KAT5: variants seen among roughly 807,000 people sequenced by gnomAD.
KAT5 encodes the protein lysine acetyltransferase 5, also known as histone acetyltransferase KAT5.
Under a neutral mutation model 68.1 loss-of-function variants are expected in KAT5, and 31 were observed. That is an observed-to-expected ratio of 0.46 (90% CI 0.34 to 0.61). The LOEUF (loss-of-function observed/expected upper bound fraction) is 0.61, where lower values mean the gene tolerates loss of function less well. KAT5 is among the 20% of genes least tolerant of loss of function. The pLI is 0.01. For missense variants in KAT5, 451 were observed against 725.5 expected, an observed-to-expected ratio of 0.62 and a Z score of 4.35; for synonymous variants, 365 against 292.6, an observed-to-expected ratio of 1.25 and a Z score of -2.52.
Position 65,713,062 on chromosome 11 carries a change from A to C in KAT5, c.384+4A>C, listed in dbSNP as rs781349676. 1 of 1,612,574 alleles carries C rather than the reference A, an allele frequency of 6.2e-7. No individual in the cohort carries two copies. The highest frequency in any genetic ancestry group is 1.1e-5 in the South Asian group (1 of 91,012). On this transcript the variant is annotated splice_donor_region_variant and intron_variant, in intron 3 of 12. Transcript: ENST00000341318. ...TGGCTCTCCAGAGAGAGAGGTGGTG[A>C]GTAGGTCCCCCACTTCACCTTTTCT...
chr11:65,713,446 C>T lies in KAT5; in HGVS notation c.483C>T (p.Gly161=), dbSNP rs1356909094. The T allele has an allele frequency of 3.1e-6, 5 of 1,614,140 alleles. No homozygotes were observed. The highest frequency in any genetic ancestry group is 1.7e-5 in the Admixed American group (1 of 60,018). The change falls in exon 4 of 13, where the codon GGC becomes GGT. Residue 161 remains glycine, a synonymous_variant. Coordinates refer to ENST00000341318, the MANE Select transcript of KAT5 (RefSeq NM_182710.3). ...LPKEREAIPG[G]EPDQPLSSSS... ...AGGAGCGGGAGGCCATTCCCGGTGG[C>T]GAGCCTGACCAGCCGCTCTCCTCCA...
intron 3 of KAT5, 116 bp downstream of exon 3, chr11:65,713,174 G>A (rs2135623098): frequency 1.4e-6 from 2 of 1,425,732 alleles, no homozygotes; most frequent in South Asian, 1.3e-5. Context: ...ACTTCATCTT[G>A]CAAAGGATGG....
At chr11:65,719,010 G>C in intron 12 of KAT5, 37 bp from the exon 13 acceptor site, 2 of 1,614,018 alleles carry the variant, frequency 1.2e-6, no homozygotes, top group Non-Finnish European at 1.7e-6. Flanking sequence ...AGTCCTCTGT[G>C]GGCTGACCAC....
In KAT5 at chr11:65,719,087, G is replaced by C; in HGVS notation, c.1547G>C (p.Gly516Ala). 6.2e-7 allele frequency: 1 copy of C among 1,614,176 alleles called. No individual in the cohort carries two copies. The highest frequency in any genetic ancestry group is 8.5e-7 in the Non-Finnish European group (1 of 1,180,018). ...ACACTGTCAGAGGACATCGTGGATG[G>C]CCATGAGCGGGCCATGCTCAAGCGG... is the stretch of plus-strand genomic sequence containing the variant. Reference protein sequence around the residue: ...ILTLSEDIVDGHERAMLKRLL... With the variant: ...ILTLSEDIVDAHERAMLKRLL... The change falls in exon 13 of 13, where the codon GGC becomes GCC. Residue 516 changes from glycine to alanine, a missense_variant. Coordinates refer to ENST00000341318, the MANE Select transcript of KAT5 (RefSeq NM_182710.3).
At chr11:65,718,519 C>T in intron 10 of KAT5, 71 bp from the exon 11 acceptor site, 2 of 1,532,460 alleles carry the variant, frequency 1.3e-6, no homozygotes, top group Non-Finnish European at 1.8e-6. Flanking sequence ...GCCTTGGCAA[C>T]CTGTGTTTTT....
At position 65,713,709 on chromosome 11, in the gene KAT5, ACT is replaced by A. The variant is rs774323825; in HGVS notation, c.615+47_615+48del. ...ATCTCTTGTTCTCTTCCTCTCTTCTACTCTCTGGTGGCTTTTTTCAGGCTCAT... is the reference window on the plus strand; with the variant it reads ...ATCTCTTGTTCTCTTCCTCTCTTCTACTCTGGTGGCTTTTTTCAGGCTCAT... On this transcript the variant is annotated intron_variant, in intron 5 of 12. Transcript: ENST00000341318. 4.0e-5 allele frequency: 65 copies of A among 1,611,946 alleles called. No individual in the cohort carries two copies. In the East Asian group the frequency reaches 1.4e-3, roughly 35 times the overall value.
rs1208249666 is a variant in KAT5, at chr11:65,712,847, C to T, written c.247+13C>T. On this transcript the variant is annotated intron_variant, in intron 2 of 12. Transcript: ENST00000341318. Reference sequence around the variant, plus strand: ...CATTACATTGACTGTGAGTTCTGGGCCTGAGGTGGGGCATCAGGGTAGGGT... The same window carrying T: ...CATTACATTGACTGTGAGTTCTGGGTCTGAGGTGGGGCATCAGGGTAGGGT... 7 of 1,613,916 alleles carry T rather than the reference C, an allele frequency of 4.3e-6. No homozygotes were observed. The Admixed American group carries it at 1.2e-4, about 27-fold the overall frequency.
In KAT5 at chr11:65,716,933, C is replaced by T. The variant is rs1227535312; in HGVS notation, c.1215C>T (p.Thr405=). The change falls in exon 10 of 13, where the codon ACC becomes ACT. Residue 405 remains threonine (T), a synonymous_variant. Coordinates refer to ENST00000341318, the MANE Select transcript of KAT5 (RefSeq NM_182710.3). The part of the protein sequence containing the change: ...TEDYNVACIL[T]LPPYQRRGYG... ...ACTACAATGTGGCCTGCATCCTAAC[C>T]CTGCCTCCCTACCAGCGCCGGGGCT... 4 of 1,614,182 alleles carry T rather than the reference C, an allele frequency of 2.5e-6. No homozygotes were observed. Among genetic ancestry groups the T allele is most frequent in the Non-Finnish European group, 2.5e-6 (3 of 1,180,018 alleles).
rs542065582 is a variant in KAT5 at position 65,719,259 on chromosome 11, C to T, written c.*78C>T. The T allele has an allele frequency of 1.1e-5, 17 of 1,526,282 alleles. No individual in the cohort carries two copies. Among genetic ancestry groups the T allele is most frequent in the Non-Finnish European group, 1.3e-5 (15 of 1,120,114 alleles). The allele number at this position is 1,526,282 out of a possible 1,614,324, so 94.5% of individuals were successfully genotyped here. On this transcript the variant is annotated 3_prime_UTR_variant, in exon 13 of 13. Coordinates refer to ENST00000341318, the MANE Select transcript of KAT5 (RefSeq NM_182710.3). The stretch of plus-strand genomic sequence containing the variant: ...CCCACCCCGCCCCCACTGCAGCTCC[C>T]ACAAAGCACTCTAAGGGAGATGGGG...
Position 65,714,888 on chromosome 11 carries a change from A to G in KAT5, c.1007A>G (p.Glu336Gly). ...CGCAAGGGCACCATCTCCTTCTTTGAGATTGATGGACGTAAGAACAAGGTT... is the reference window on the plus strand; with the variant it reads ...CGCAAGGGCACCATCTCCTTCTTTGGGATTGATGGACGTAAGAACAAGGTT... ...IYRKGTISFF[E>G]IDGRKNKSYS... The change falls in exon 8 of 13, where the codon GAG becomes GGG. Residue 336 changes from glutamate to glycine, a missense_variant. By Grantham distance (98) the Glu-to-Gly change is moderately conservative. Coordinates refer to ENST00000341318, the MANE Select transcript of KAT5 (RefSeq NM_182710.3). The G allele has an allele frequency of 1.2e-6, 2 of 1,614,082 alleles. No individual in the cohort carries two copies. The highest frequency in any genetic ancestry group is 1.7e-6 in the Non-Finnish European group (2 of 1,179,984).
At chr11:65,714,460 C>T (rs1181217589) in intron 6 of KAT5, 35 bp from the exon 7 acceptor site, 2 of 1,606,492 alleles carry the variant, frequency 1.2e-6, no homozygotes, top group Non-Finnish European at 1.7e-6. Flanking sequence ...TGAGCTGTCT[C>T]TTACAACCTG....
At chr11:65,714,149 A>G (rs916467258) in intron 6 of KAT5, 1 of 504,766 alleles carries the variant, frequency 2.0e-6, no homozygotes, top group African/African-American at 1.9e-5. Flanking sequence ...AAATACAAAA[A>G]TTAGCCAGGC....
chr11:65,718,251 C>T lies in KAT5; in HGVS notation c.1265-339C>T, dbSNP rs376966597. ...TCCTTACATGGCTAGACACAGAGCC[C>T]GGGATGGCAAAGGAAAATTGGAGGC... On this transcript the variant is annotated intron_variant, in intron 10 of 12. Transcript: ENST00000341318. The T allele has an allele frequency of 8.9e-5, 21 of 235,600 alleles. No individual in the cohort carries two copies. In the East Asian group the frequency reaches 1.2e-3, roughly 14 times the overall value. 14.6% of individuals were successfully genotyped at this position (235,600 alleles called of 1,614,324 possible).
chr11:65,719,323 G>T lies in KAT5; in HGVS notation c.*142G>T. ...AAAAAGGAGAGGACAGGCCTGGCAG[G>T]GGCCCACTGGTGCCCAGCACCAAGG... On this transcript the variant is annotated 3_prime_UTR_variant, in exon 13 of 13. Transcript: ENST00000341318. The T allele has an allele frequency of 9.6e-7, 1 of 1,046,914 alleles. No individual in the cohort carries two copies. The highest frequency in any genetic ancestry group is 1.4e-6 in the Non-Finnish European group (1 of 740,566). The allele number at this position is 1,046,914 out of a possible 1,614,324, so 64.9% of individuals were successfully genotyped here. A position where few individuals can be genotyped will look rare whatever the true frequency, so the allele number is the denominator to read the frequency against.
rs1857144210 is a variant in KAT5 at position 65,714,865 on chromosome 11, C to T, written c.984C>T (p.Arg328=). The T allele has an allele frequency of 1.9e-6, 3 of 1,614,218 alleles. No individual in the cohort carries two copies. Among genetic ancestry groups the T allele is most frequent in the Non-Finnish European group, 2.5e-6 (3 of 1,180,030 alleles). The part of the protein sequence containing the change: ...LRHPPGNEIY[R]KGTISFFEID... The stretch of plus-strand genomic sequence containing the variant: ...ATCCTCCAGGCAATGAGATTTACCG[C>T]AAGGGCACCATCTCCTTCTTTGAGA... The change falls in exon 8 of 13, where the codon CGC becomes CGT. Residue 328 remains arginine, a synonymous_variant. Transcript: ENST00000341318.
chr11:65,716,179 C>T (rs1436092328), intron 8 of KAT5: 1 of 159,974 alleles, frequency 6.3e-6, no homozygotes, highest in Non-Finnish European at 1.4e-5. Context: ...AGTAGCAGAT[C>T]AGTTCCCAGG....
Position 65,718,962 on chromosome 11 carries a change from G to A in KAT5, c.1506+8G>A. On this transcript the variant is annotated splice_region_variant and intron_variant, in intron 12 of 12. Coordinates refer to ENST00000341318, the MANE Select transcript of KAT5 (RefSeq NM_182710.3). Reference sequence around the variant, plus strand: ...CTCATCAACTACTACAAGGTAGGGAGGCAGGCAGGGGAGACAGGTGTGTGG... The same window carrying A: ...CTCATCAACTACTACAAGGTAGGGAAGCAGGCAGGGGAGACAGGTGTGTGG... 1 of 1,614,136 alleles carries A rather than the reference G, an allele frequency of 6.2e-7. No individual in the cohort carries two copies. Among genetic ancestry groups the A allele is most frequent in the African/African-American group, 1.3e-5 (1 of 75,058 alleles).
intron 10 of KAT5, 49 bp from the exon 11 acceptor site, chr11:65,718,541 A>G: frequency 6.3e-7 from 1 of 1,578,528 alleles, no homozygotes; most frequent in Admixed American, 1.8e-5. Context: ...AATGTTGCTT[A>G]TGTTCATCTG....
intron 8 of KAT5, among the ~76,000 whole-genome samples, chr11:65,715,531 C>T (rs148422728): frequency 0.015 from 2,172 of 149,378 alleles, 57 homozygotes; most frequent in African/African-American, 0.05. Context: ...GAGGCTGAGG[C>T]GGGCGGATCA....
Sources: allele counts gnomAD v4.1 joint callset (sites outside exome capture counted in the v4.1 genomes callset), GRCh38; gene constraint gnomAD v4.1.1; transcripts MANE v1.5; gene names NCBI Gene and HGNC (gene_info 2026-07-23, HGNC 2026-07-21).